The following SHB variants were observed in gnomAD, a reference collection of about 807,000 sequenced individuals.
SHB encodes SH2 domain containing adaptor protein B.
Under a neutral mutation model 52.3 loss-of-function variants are expected in SHB, and 20 were observed. The ratio of observed to expected loss-of-function variants is 0.38; its 90% CI spans 0.27 to 0.56. SHB has a LOEUF of 0.56. SHB is among the 20% of genes least tolerant of loss of function. SHB has a pLI of 0.71. For missense variants in SHB, 825 were observed against 723.3 expected, an observed-to-expected ratio of 1.14 and a Z score of -1.61; for synonymous variants, 397 against 316.5, an observed-to-expected ratio of 1.25 and a Z score of -2.70.
At chr9:38,044,045 G>C (rs1276376309) in intron 1 of SHB, among the ~76,000 whole-genome samples, 4 of 152,372 alleles carry the variant, frequency 2.6e-5, no homozygotes, top group Middle Eastern at 3.4e-3. Flanking sequence ...CCCTGGTTCT[G>C]CCTGGCAGCC....
chr9:38,033,684 G>A (rs1419176675), intron 1 of SHB, among the ~76,000 whole-genome samples: 4 of 152,118 alleles, frequency 2.6e-5, no homozygotes, highest in Admixed American at 2.6e-4. Context: ...GTGGTCCCGA[G>A]TTTCCCATCT....
chr9:37,973,515 G>A (rs553322110), intron 3 of SHB, among the ~76,000 whole-genome samples: 115 of 152,310 alleles, frequency 7.6e-4, no homozygotes, highest in Admixed American at 1.8e-3. Context: ...GAGCCACCGC[G>A]CCCGGCCTTC....
At chr9:37,953,403 G>A (rs1283325266) in intron 4 of SHB, among the ~76,000 whole-genome samples, 2 of 152,044 alleles carry the variant, frequency 1.3e-5, no homozygotes, top group Non-Finnish European at 2.9e-5. Context: ...GGGCAGTTGA[G>A]AGGAATGTTG....
In SHB at chr9:37,974,787, A is replaced by G. The variant is rs1211748542; in HGVS notation, c.889T>C (p.Tyr297His). ...VRSQHKGIQL[Y>H]DTPYEPEGQS... Reference sequence around the variant, plus strand: ...CCTTCAGGTTCGTAAGGGGTGTCATATAACTGGATACCTTTATGCTGGGAC... The same window carrying G: ...CCTTCAGGTTCGTAAGGGGTGTCATGTAACTGGATACCTTTATGCTGGGAC... Residue 297 changes from tyrosine to histidine, a missense_variant, in exon 3 of 6, where the codon TAT becomes CAT. Coordinates refer to ENST00000377707, the MANE Select transcript of SHB (RefSeq NM_003028.3). 3 of 1,614,142 alleles carry G rather than the reference A, an allele frequency of 1.9e-6. No homozygotes were observed. Among genetic ancestry groups the G allele is most frequent in the Admixed American group, 1.7e-5 (1 of 60,018 alleles).
intron 2 of SHB, chr9:38,015,285 T>C: frequency 3.3e-6 from 2 of 612,996 alleles, no homozygotes; most frequent in South Asian, 1.9e-5. Flanking sequence ...GCCTACAAGA[T>C]GACTGATGTC....
intron 3 of SHB, among the ~76,000 whole-genome samples, chr9:37,971,761 G>A (rs1014933899): frequency 8.5e-5 from 13 of 152,328 alleles, no homozygotes; most frequent in African/African-American, 3.1e-4. Flanking sequence ...ACGGATGCTT[G>A]TGGGCTCAGA....
intron 2 of SHB, among the ~76,000 whole-genome samples, chr9:38,002,019 G>A (rs1391551681): frequency 4.6e-5 from 7 of 152,108 alleles, no homozygotes. Flanking sequence ...AGGGGAAGGG[G>A]ACAGGGACTG....
At chr9:38,036,304 C>T (rs1821486914) in intron 1 of SHB, among the ~76,000 whole-genome samples, 1 of 152,250 alleles carries the variant, frequency 6.6e-6, no homozygotes, top group Non-Finnish European at 1.5e-5. Context: ...ATTTCTAAAA[C>T]AGCCACATTT....
rs1009619339 is a variant in SHB, at chr9:38,003,460, C to T, written c.838+12551G>A. Among the ~76,000 whole-genome samples, 4 of 152,094 alleles carry T rather than the reference C, an allele frequency of 2.6e-5. No homozygotes were observed. The East Asian group carries it at 7.8e-4, about 30-fold the overall frequency. On this transcript the variant is annotated intron_variant, in intron 2 of 5. Transcript: ENST00000377707. ...ACATCCTCCCCGCGGCTCCCCGTCC[C>T]ACGAGGGCAGGGTTCTACACCCACA...
chr9:37,957,568 C>T (rs551006724), intron 3 of SHB, among the ~76,000 whole-genome samples: 169 of 152,308 alleles, frequency 1.1e-3, no homozygotes, highest in Non-Finnish European at 1.7e-3. Context: ...CTGTGCTGAG[C>T]GTGTGGCCAG....
chr9:37,942,922 CAG>C lies in SHB; in HGVS notation c.1346+5711_1346+5712del, dbSNP rs898583298. Reference sequence around the variant, plus strand: ...GGGAAGGGGGGGATCACTGGGGGGACAGGGAGGCAGAAGCTGGCATCCCTCCT... The same window carrying C: ...GGGAAGGGGGGGATCACTGGGGGGACGGAGGCAGAAGCTGGCATCCCTCCT... On this transcript the variant is annotated intron_variant, in intron 5 of 5. Transcript: ENST00000377707. 9.2e-5 allele frequency among the ~76,000 whole-genome samples: 14 copies of C among 152,082 alleles called. No individual in the cohort carries two copies. The South Asian group carries it at 1.9e-3, about 20-fold the overall frequency.
intron 2 of SHB, among the ~76,000 whole-genome samples, chr9:38,005,083 G>A (rs933586355): frequency 4.6e-5 from 7 of 152,204 alleles, no homozygotes; most frequent in African/African-American, 1.7e-4. Flanking sequence ...GGCCTGTCCT[G>A]TCATCCTGCC....
rs138307837 is a variant in SHB, at chr9:38,030,953, C to CAA, written c.718-14824_718-14823dup. 3.7e-4 allele frequency among the ~76,000 whole-genome samples: 54 copies of CAA among 144,896 alleles called. 1 individual carries two copies. In the South Asian group the frequency reaches 6.4e-3, roughly 17 times the overall value. ...TGGACTACTATACAAAAAAATTATA[C>CAA]AAAAAAAAAAGGGGGGAAAGACAAG... On this transcript the variant is annotated intron_variant, in intron 1 of 5. Coordinates refer to ENST00000377707, the MANE Select transcript of SHB (RefSeq NM_003028.3).
chr9:37,960,283 T>C (rs1832679843), intron 3 of SHB, among the ~76,000 whole-genome samples: 1 of 152,252 alleles, frequency 6.6e-6, no homozygotes, highest in Admixed American at 6.5e-5. Context: ...ACGTTTCTCC[T>C]TAATCTGCAA....
At chr9:38,039,773 TC>T (rs1186424173) in intron 1 of SHB, among the ~76,000 whole-genome samples, 1 of 152,112 alleles carries the variant, frequency 6.6e-6, no homozygotes, top group Non-Finnish European at 1.5e-5. Flanking sequence ...GGGCCCACCA[TC>T]CCCTCCTGCC....
At chr9:37,987,155 C>T (rs1019279250) in intron 2 of SHB, among the ~76,000 whole-genome samples, 14 of 152,224 alleles carry the variant, frequency 9.2e-5, no homozygotes, top group Non-Finnish European at 5.9e-5. Context: ...GGCCCCTCCC[C>T]GCCTGACTGC....
chr9:38,005,840 C>A (rs764340758), intron 2 of SHB, among the ~76,000 whole-genome samples: 3 of 152,224 alleles, frequency 2.0e-5, no homozygotes, highest in Middle Eastern at 3.4e-3. Context: ...TTGGCCACTC[C>A]CTGCATACTA....
chr9:37,922,976 G>A (rs993317244), intron 5 of SHB, among the ~76,000 whole-genome samples: 16 of 152,140 alleles, frequency 1.1e-4, no homozygotes, highest in Non-Finnish European at 1.9e-4. Flanking sequence ...TCCCTCCACC[G>A]CTGCCCTCAT....
At chr9:37,946,125 A>G (rs964717737) in intron 5 of SHB, among the ~76,000 whole-genome samples, 1 of 152,216 alleles carries the variant, frequency 6.6e-6, no homozygotes, top group African/African-American at 2.4e-5. Context: ...AGATGAGGAC[A>G]CTGAGGCCCC....
Sources: gnomAD v4.1 joint callset for allele counts (sites outside exome capture counted in the v4.1 genomes callset) on GRCh38, gnomAD v4.1.1 for gene constraint, MANE v1.5 for transcripts, NCBI Gene and HGNC (gene_info 2026-07-23, HGNC 2026-07-21) for gene names.